Variants in TBCK observed in about 807,000 individuals in gnomAD.
TBCK encodes the protein TBC1 domain containing kinase, also known as TBC domain-containing protein kinase-like protein.
A neutral mutation model predicts 113.4 loss-of-function variants in TBCK; 99 were observed. That is an observed-to-expected ratio of 0.87 (90% CI 0.74 to 1.03). The LOEUF is 1.03. Among genes scored for constraint, TBCK ranks in the 50% least tolerant of loss-of-function variants. TBCK has a pLI of 0.00. For synonymous variants in TBCK, 369 were observed against 370.8 expected (o/e 1.00, Z 0.05); for missense variants, 1,045 against 1,061.3 (o/e 0.98, Z 0.21).
chr4:106,282,924 G>A (rs970508441), intron 3 of TBCK, among the ~76,000 whole-genome samples: 25 of 151,984 alleles, frequency 1.6e-4, no homozygotes, highest in Admixed American at 4.6e-4. Context: ...AATTAATTGC[G>A]AGGAACTAAA....
chr4:106,248,551 T>C (rs1041584812), intron 8 of TBCK, among the ~76,000 whole-genome samples: 4 of 152,178 alleles, frequency 2.6e-5, no homozygotes, highest in Non-Finnish European at 5.9e-5. Flanking sequence ...GGTTTGAATG[T>C]GTTCCCTCCA....
chr4:106,064,624 A>G (rs1364145598), intron 25 of TBCK, among the ~76,000 whole-genome samples: 1 of 151,938 alleles, frequency 6.6e-6, no homozygotes, highest in Non-Finnish European at 1.5e-5. Context: ...AATGTGATAC[A>G]CTGTTGGGGA....
intron 24 of TBCK, among the ~76,000 whole-genome samples, chr4:106,111,612 C>A (rs1416017164): frequency 9.9e-5 from 15 of 152,260 alleles, no homozygotes; most frequent in African/African-American, 3.6e-4. Flanking sequence ...CAGGATTACT[C>A]ATTTTACAGA....
intron 24 of TBCK, among the ~76,000 whole-genome samples, chr4:106,112,228 C>A (rs1035954022): frequency 6.6e-6 from 1 of 152,160 alleles, no homozygotes; most frequent in African/African-American, 2.4e-5. Context: ...ACCCTGATAT[C>A]ATCAGGATTC....
intron 24 of TBCK, among the ~76,000 whole-genome samples, chr4:106,101,362 C>T (rs766330215): frequency 2.0e-5 from 3 of 152,106 alleles, no homozygotes; most frequent in Non-Finnish European, 1.5e-5. Flanking sequence ...TATGGGAATA[C>T]AATTGGATGG....
intron 19 of TBCK, among the ~76,000 whole-genome samples, chr4:106,222,270 T>A (rs527536539): frequency 6.6e-6 from 1 of 152,200 alleles, no homozygotes; most frequent in Non-Finnish European, 1.5e-5. Flanking sequence ...CCCTTCTAAT[T>A]GCTCTGTATT....
intron 25 of TBCK, among the ~76,000 whole-genome samples, chr4:106,090,055 GC>G (rs1347661874): frequency 6.6e-6 from 1 of 152,194 alleles, no homozygotes; most frequent in Non-Finnish European, 1.5e-5. Context: ...CATTGGCACT[GC>G]CCTAGTATAG....
chr4:106,148,613 T>G (rs1327417974), intron 23 of TBCK, among the ~76,000 whole-genome samples: 3 of 152,234 alleles, frequency 2.0e-5, no homozygotes, highest in Admixed American at 2.0e-4. Flanking sequence ...TCTTTTTCCC[T>G]GAGCAGTAGG....
chr4:106,058,322 C>T (rs2212969), intron 25 of TBCK, among the ~76,000 whole-genome samples: 142,957 of 151,766 alleles, frequency 0.94, 67,595 homozygotes, highest in Non-Finnish European at 0.97. Context: ...TTGCCCATCC[C>T]TTCCTTTCTA....
chr4:106,314,746 T>A (rs1768584739), intron 1 of TBCK, among the ~76,000 whole-genome samples: 1 of 148,192 alleles, frequency 6.7e-6, no homozygotes, highest in South Asian at 2.2e-4. Context: ...TGCCTCAGCC[T>A]CCAGAGTGGC....
chr4:106,201,795 C>G (rs565752678), intron 20 of TBCK, among the ~76,000 whole-genome samples: 1 of 151,866 alleles, frequency 6.6e-6, no homozygotes, highest in Non-Finnish European at 1.5e-5. Context: ...TTTCTTAATC[C>G]ACATCCTTTA....
At chr4:106,230,271 G>A in intron 19 of TBCK, 92 bp downstream of exon 19, 1 of 703,640 alleles carries the variant, frequency 1.4e-6, no homozygotes, top group Admixed American at 2.8e-5. Flanking sequence ...CGTATTTTTG[G>A]GGTCAAAATC....
At chr4:106,284,413 A>G (rs1410487892) in intron 3 of TBCK, among the ~76,000 whole-genome samples, 1 of 152,152 alleles carries the variant, frequency 6.6e-6, no homozygotes, top group Non-Finnish European at 1.5e-5. Context: ...CACTAATTTG[A>G]GTAAGTCAGA....
chr4:106,316,380 G>C (rs757479021), upstream of TBCK: 3 of 663,294 alleles, frequency 4.5e-6, no homozygotes, highest in East Asian at 5.7e-5. Context: ...TGAAAATACT[G>C]GGTGAGGGAA....
chr4:106,147,409 T>C (rs767273393), intron 23 of TBCK, among the ~76,000 whole-genome samples: 2 of 152,180 alleles, frequency 1.3e-5, no homozygotes, highest in Non-Finnish European at 2.9e-5. Flanking sequence ...CACTGGAGAA[T>C]GGATATTATT....
intron 2 of TBCK, among the ~76,000 whole-genome samples, chr4:106,307,562 G>A (rs1453510351): frequency 6.6e-6 from 1 of 152,028 alleles, no homozygotes; most frequent in Non-Finnish European, 1.5e-5. Flanking sequence ...AACATTGTTT[G>A]CATTTATCAG....
intron 22 of TBCK, among the ~76,000 whole-genome samples, chr4:106,185,328 G>A (rs944383228): frequency 2.6e-5 from 4 of 151,954 alleles, no homozygotes; most frequent in African/African-American, 9.7e-5. Flanking sequence ...TCTAGTGTAT[G>A]TGTGTGGTAA....
intron 2 of TBCK, among the ~76,000 whole-genome samples, chr4:106,305,707 T>C (rs547574753): frequency 9.2e-5 from 14 of 152,122 alleles, no homozygotes; most frequent in Admixed American, 2.0e-4. Context: ...CAGGATGAGA[T>C]AGGAGGTCAG....
At chr4:106,125,807 TTAGA>T (rs375498485) in intron 23 of TBCK, among the ~76,000 whole-genome samples, 4 of 152,014 alleles carry the variant, frequency 2.6e-5, no homozygotes, top group Non-Finnish European at 4.4e-5. Context: ...GGAAATACAG[TTAGA>T]TAGAAGGAAT....
Sources: gnomAD v4.1 joint callset for allele counts (sites outside exome capture counted in the v4.1 genomes callset) on GRCh38, gnomAD v4.1.1 for gene constraint, MANE v1.5 for transcripts, NCBI Gene and HGNC (gene_info 2026-07-23, HGNC 2026-07-21) for gene names.